Variants in ASTN2 observed in about 807,000 individuals in gnomAD.
ASTN2 encodes the protein astrotactin-2.
Under a neutral mutation model 139.8 loss-of-function variants are expected in ASTN2, and 54 were observed. The ratio of observed to expected loss-of-function variants is 0.39; its 90% CI spans 0.31 to 0.48. The LOEUF (loss-of-function observed/expected upper bound fraction) is 0.48, where lower values mean the gene tolerates loss of function less well. Ranked by LOEUF, ASTN2 falls within the 20% of genes least tolerant of loss-of-function variation. The pLI is 0.95. For missense variants in ASTN2, 1,565 were observed against 1,725.1 expected (o/e 0.91, Z 1.64); for synonymous variants, 756 against 719.5 (o/e 1.05, Z -0.81).
intron 5 of ASTN2, among the ~76,000 whole-genome samples, chr9:117,055,625 G>A (rs1839036898): frequency 6.6e-6 from 1 of 152,176 alleles, no homozygotes; most frequent in Non-Finnish European, 1.5e-5. Context: ...CACGAGAGGA[G>A]GCTGAAGAAC....
intron 19 of ASTN2, among the ~76,000 whole-genome samples, chr9:116,604,190 C>T (rs1379323105): frequency 6.6e-6 from 1 of 152,058 alleles, no homozygotes; most frequent in Non-Finnish European, 1.5e-5. Context: ...TAACAGCTCC[C>T]CACACATTCA....
intron 4 of ASTN2, among the ~76,000 whole-genome samples, chr9:117,122,760 G>A (rs528375998): frequency 6.6e-6 from 1 of 152,258 alleles, no homozygotes; most frequent in South Asian, 2.1e-4. Context: ...GTGGGTTTAT[G>A]GAGGAGGAGG....
intron 19 of ASTN2, among the ~76,000 whole-genome samples, chr9:116,565,385 CTCCATA>C (rs1300532165): frequency 0.012 from 365 of 30,622 alleles, 10 homozygotes; most frequent in South Asian, 0.018. Context: ...CTCTCTCTCT[CTCCATA>C]TATATATATA....
chr9:117,006,881 C>T (rs1837367712), intron 7 of ASTN2, among the ~76,000 whole-genome samples: 1 of 152,126 alleles, frequency 6.6e-6, no homozygotes, highest in Non-Finnish European at 1.5e-5. Context: ...CTTTGGGAGG[C>T]CGAGGTGGGC....
At chr9:117,358,876 C>A (rs1441896840) in intron 1 of ASTN2, among the ~76,000 whole-genome samples, 2 of 152,064 alleles carry the variant, frequency 1.3e-5, no homozygotes, top group African/African-American at 4.8e-5. Flanking sequence ...TTGAGAACTT[C>A]CCTTCATATA....
intron 1 of ASTN2, among the ~76,000 whole-genome samples, chr9:117,375,280 T>C (rs1830092882): frequency 6.6e-6 from 1 of 152,186 alleles, no homozygotes. Context: ...AAGGTCATCA[T>C]CCTTCACAAA....
chr9:116,976,958 T>TGTTCATTCACTCATTTATTCCTTC (rs549752114), intron 7 of ASTN2, among the ~76,000 whole-genome samples, 173 bp from the exon 8 acceptor site: 75 of 152,324 alleles, frequency 4.9e-4, no homozygotes, highest in African/African-American at 1.7e-3. Context: ...TTTATTCCTT[T>TGTTCATTCACTCATTTATTCCTTC]GTTCATTCAC....
At chr9:116,889,279 A>G (rs1298673434) in intron 10 of ASTN2, among the ~76,000 whole-genome samples, 2 of 152,186 alleles carry the variant, frequency 1.3e-5, no homozygotes, top group Non-Finnish European at 2.9e-5. Context: ...ATGTCTCACC[A>G]CTATCTCTCT....
chr9:117,403,931 T>G (rs1830910500), intron 1 of ASTN2, among the ~76,000 whole-genome samples: 1 of 149,234 alleles, frequency 6.7e-6, no homozygotes, highest in African/African-American at 2.5e-5. Context: ...GGAGGGGAGG[T>G]GGAGAGAGGA....
At chr9:116,587,247 A>C (rs1854194826) in intron 19 of ASTN2, among the ~76,000 whole-genome samples, 1 of 151,366 alleles carries the variant, frequency 6.6e-6, no homozygotes, top group Non-Finnish European at 1.5e-5. Context: ...AGGCTGAGGC[A>C]GGAGAATTGC....
At chr9:116,682,718 C>T (rs189944795) in intron 16 of ASTN2, among the ~76,000 whole-genome samples, 6,024 of 152,190 alleles carry the variant, frequency 0.04, 386 homozygotes, top group African/African-American at 0.14. Context: ...GAGTTCATGT[C>T]CTTTGTAGAG....
At chr9:117,034,720 A>G (rs1838334910) in intron 6 of ASTN2, among the ~76,000 whole-genome samples, 1 of 152,128 alleles carries the variant, frequency 6.6e-6, no homozygotes, top group Admixed American at 6.6e-5. Flanking sequence ...CTAAATGCAG[A>G]CGATTTGTAG....
At chr9:117,351,261 T>G (rs1829377636) in intron 1 of ASTN2, among the ~76,000 whole-genome samples, 1 of 152,196 alleles carries the variant, frequency 6.6e-6, no homozygotes, top group Non-Finnish European at 1.5e-5. Context: ...ACCCAGTGTC[T>G]CCAGAGCAAA....
intron 3 of ASTN2, among the ~76,000 whole-genome samples, chr9:117,151,630 GA>G (rs1461675297): frequency 6.6e-6 from 1 of 152,126 alleles, no homozygotes; most frequent in East Asian, 1.9e-4. Flanking sequence ...AATTTCCAGA[GA>G]AAGTACCAAT....
intron 3 of ASTN2, among the ~76,000 whole-genome samples, chr9:117,203,655 C>T (rs1831809679): frequency 6.6e-6 from 1 of 152,034 alleles, no homozygotes; most frequent in Non-Finnish European, 1.5e-5. Flanking sequence ...CTTCAGGCCC[C>T]ATTCATCTGA....
intron 2 of ASTN2, among the ~76,000 whole-genome samples, chr9:117,284,710 A>G (rs1834405894): frequency 6.6e-6 from 1 of 152,206 alleles, no homozygotes; most frequent in Non-Finnish European, 1.5e-5. Flanking sequence ...CAGAGTAATG[A>G]CATTTATAGA....
intron 1 of ASTN2, among the ~76,000 whole-genome samples, chr9:117,350,779 G>A (rs572875854): frequency 3.3e-5 from 5 of 152,224 alleles, no homozygotes; most frequent in African/African-American, 1.2e-4. Flanking sequence ...ATGTTAGCAA[G>A]TTAGCAAAGC....
intron 11 of ASTN2, among the ~76,000 whole-genome samples, chr9:116,826,020 A>C (rs1469731082): frequency 6.6e-6 from 1 of 152,158 alleles, no homozygotes; most frequent in African/African-American, 2.4e-5. Flanking sequence ...TGAGACATGG[A>C]TAGACTGTAC....
intron 19 of ASTN2, among the ~76,000 whole-genome samples, chr9:116,533,284 T>C (rs1261189687): frequency 6.6e-6 from 1 of 152,224 alleles, no homozygotes; most frequent in Non-Finnish European, 1.5e-5. Context: ...GTTTTCTAAA[T>C]ATACAATCAT....
Sources: allele counts gnomAD v4.1 joint callset (sites outside exome capture counted in the v4.1 genomes callset), GRCh38; gene constraint gnomAD v4.1.1; transcripts MANE v1.5; gene names NCBI Gene and HGNC (gene_info 2026-07-23, HGNC 2026-07-21).